The following SAMSN1 variants were observed in gnomAD, a reference collection of about 807,000 sequenced individuals.
SAMSN1 encodes SAM domain, SH3 domain and nuclear localization signals 1.
SAMSN1 carries 31 observed loss-of-function variants against 42.0 expected under a neutral mutation model. The ratio of observed to expected loss-of-function variants is 0.74; its 90% confidence interval spans 0.55 to 1.00. The LOEUF (loss-of-function observed/expected upper bound fraction) is 1.00. Among genes scored for constraint, SAMSN1 ranks in the 50% least tolerant of loss-of-function variants. The pLI, the probability that SAMSN1 is intolerant of heterozygous loss-of-function variation, is 0.00. For missense variants in SAMSN1, 464 were observed against 439.4 expected (o/e 1.06, Z -0.50); for synonymous variants, 178 against 151.9 (o/e 1.17, Z -1.26).
chr21:14,604,790 A>G (rs1192185753), intron 5 of SAMSN1, among the ~76,000 whole-genome samples: 2 of 152,240 alleles, frequency 1.3e-5, no homozygotes, highest in Non-Finnish European at 2.9e-5. Flanking sequence ...GTTGTCAGAC[A>G]TGTAAGTGAA....
chr21:14,612,504 C>T (rs1026663975), intron 4 of SAMSN1: 2 of 375,046 alleles, frequency 5.3e-6, no homozygotes, highest in South Asian at 2.2e-5. Context: ...TATAATGAAA[C>T]CACTTTCTGC....
chr21:14,541,313 C>A (rs1980013573), intron 1 of SAMSN1, among the ~76,000 whole-genome samples: 1 of 126,684 alleles, frequency 7.9e-6, no homozygotes, highest in Non-Finnish European at 1.6e-5. Flanking sequence ...ATAAAACAAA[C>A]AAAATCCTGT....
rs28860010 is a variant in SAMSN1, at chr21:14,650,400, A to C, written c.25-7267T>G. On this transcript the variant is annotated intron_variant, in intron 1 of 15. Coordinates refer to the SAMSN1 transcript ENST00000647101. ...AGAATAGGAATTTTGGAAACTATAC[A>C]ACATGGAAATTAAACAATATGCTCC... 9.2e-3 allele frequency among the ~76,000 whole-genome samples: 1,400 copies of C among 152,230 alleles called. 27 individuals are homozygous for C. The highest frequency in any genetic ancestry group is 0.032 in the African/African-American group (1,326 of 41,572).
At chr21:14,574,522 C>G (rs1460328309) in intron 2 of SAMSN1, among the ~76,000 whole-genome samples, 2 of 152,130 alleles carry the variant, frequency 1.3e-5, no homozygotes. Flanking sequence ...AATTCTATAA[C>G]TAGATCACAG....
At chr21:14,615,891 AC>A in intron 3 of SAMSN1, 1 of 339,244 alleles carries the variant, frequency 2.9e-6, no homozygotes, top group Non-Finnish European at 5.6e-6. Flanking sequence ...AAAAAAAAGT[AC>A]TTTGGCACGA....
At chr21:14,524,734 A>G (rs1600893988) in intron 1 of SAMSN1, among the ~76,000 whole-genome samples, 1 of 152,336 alleles carries the variant, frequency 6.6e-6, no homozygotes, top group Non-Finnish European at 1.5e-5. Context: ...ATTGAATAAT[A>G]TATGGTACAT....
intron 2 of SAMSN1, among the ~76,000 whole-genome samples, chr21:14,577,870 A>C (rs985112876): frequency 1.3e-5 from 2 of 152,124 alleles, no homozygotes. Context: ...AATTTATATC[A>C]ATTCCATAAT....
At chr21:14,578,911 TAGTA>T (rs1981602412) in intron 2 of SAMSN1, among the ~76,000 whole-genome samples, 1 of 152,088 alleles carries the variant, frequency 6.6e-6, no homozygotes, top group African/African-American at 2.4e-5. Context: ...CTGCCATTAA[TAGTA>T]AGTAACATTC....
chr21:14,629,958 G>A (rs1354808844), intron 2 of SAMSN1, among the ~76,000 whole-genome samples: 1 of 152,134 alleles, frequency 6.6e-6, no homozygotes, highest in Non-Finnish European at 1.5e-5. Context: ...CAAGGTTTTA[G>A]AAAGGGAAAG....
At chr21:14,531,006 TTAAC>T (rs547218250) in intron 1 of SAMSN1, among the ~76,000 whole-genome samples, 100 of 152,184 alleles carry the variant, frequency 6.6e-4, no homozygotes, top group Non-Finnish European at 8.7e-4. Context: ...AAATAATATT[TTAAC>T]TAGTCACATC....
At chr21:14,608,029 C>T (rs1215504211) in intron 5 of SAMSN1, among the ~76,000 whole-genome samples, 6 of 152,192 alleles carry the variant, frequency 3.9e-5, no homozygotes, top group African/African-American at 1.4e-4. Context: ...CCAATCCAAA[C>T]ATGATAGAGA....
intron 1 of SAMSN1, among the ~76,000 whole-genome samples, chr21:14,543,293 G>A (rs1203072309): frequency 6.6e-6 from 1 of 152,072 alleles, no homozygotes; most frequent in Non-Finnish European, 1.5e-5. Flanking sequence ...CTATTCAAAG[G>A]AGAGAACCTA....
At chr21:14,616,186 T>C (rs987409504) in intron 2 of SAMSN1, among the ~76,000 whole-genome samples, 4 of 152,184 alleles carry the variant, frequency 2.6e-5, no homozygotes, top group African/African-American at 9.7e-5. Flanking sequence ...TGTATTTTAG[T>C]AATGTGTCAC....
rs1019335254 is a variant in SAMSN1 at position 14,486,116 on chromosome 21, T to A, written c.920-2A>T. The A allele has an allele frequency of 1.2e-6, 2 of 1,609,926 alleles. No homozygotes were observed. The highest frequency in any genetic ancestry group is 1.7e-6 in the Non-Finnish European group (2 of 1,177,094). On this transcript the variant is annotated splice_acceptor_variant, in intron 7 of 7. Transcript: ENST00000400566. LOFTEE classifies it high-confidence loss of function. ...GTTCATTTTCTTGCTCTTGAATAAC[T>A]GTAAATGGAAAAAAAGGGCAGGAGT... is the stretch of plus-strand genomic sequence containing the variant.
At chr21:14,629,639 C>T (rs1983273727) in intron 2 of SAMSN1, among the ~76,000 whole-genome samples, 1 of 152,146 alleles carries the variant, frequency 6.6e-6, no homozygotes, top group Admixed American at 6.6e-5. Context: ...CCTCTCATCG[C>T]AGGGCAGGTC....
At position 14,522,923 on chromosome 21, in the gene SAMSN1, T is replaced by C. The variant is rs541871356; in HGVS notation, c.58-1702A>G. ...CTGAAGCACACATCCACACTCCTCATTGTGGAACAATTTGGACACGCCAAT... is the reference window on the plus strand; with the variant it reads ...CTGAAGCACACATCCACACTCCTCACTGTGGAACAATTTGGACACGCCAAT... On this transcript the variant is annotated intron_variant, in intron 1 of 7. Coordinates refer to ENST00000400566, the MANE Select transcript of SAMSN1 (RefSeq NM_022136.5). 8.5e-5 allele frequency among the ~76,000 whole-genome samples: 13 copies of C among 152,234 alleles called. No individual in the cohort carries two copies. The South Asian group carries it at 2.7e-3, about 32-fold the overall frequency.
intron 2 of SAMSN1, among the ~76,000 whole-genome samples, chr21:14,564,364 C>T (rs143459785): frequency 2.0e-5 from 3 of 152,108 alleles, no homozygotes; most frequent in Non-Finnish European, 4.4e-5. Context: ...GCAAAATGAG[C>T]AAACATTTAT....
rs149553910 is a variant in SAMSN1 at position 14,559,783 on chromosome 21, G to A, written c.261+22353C>T. ...TGCTTCTCAAAGTGCTGGGATTACA[G>A]GTGTAAGCCACCAAGCCTGGCCTCA... On this transcript the variant is annotated intron_variant, in intron 2 of 8. Transcript: ENST00000285670. 4.8e-4 allele frequency among the ~76,000 whole-genome samples: 73 copies of A among 152,144 alleles called. 1 individual carries two copies. The East Asian group carries it at 0.012, about 24-fold the overall frequency.
At chr21:14,535,951 A>AG in intron 1 of SAMSN1, among the ~76,000 whole-genome samples, 1 of 152,192 alleles carries the variant, frequency 6.6e-6, no homozygotes, top group Non-Finnish European at 1.5e-5. Context: ...TGAAGGAAGG[A>AG]GGGGGACTTA....
Sources: gnomAD v4.1 joint callset for allele counts (sites outside exome capture counted in the v4.1 genomes callset) on GRCh38, gnomAD v4.1.1 for gene constraint, MANE v1.5 for transcripts, NCBI Gene and HGNC (gene_info 2026-07-23, HGNC 2026-07-21) for gene names.